PRKACA: variants seen among roughly 807,000 people sequenced by gnomAD.
PRKACA encodes the protein protein kinase cAMP-activated catalytic subunit alpha, also known as cAMP-dependent protein kinase catalytic subunit alpha.
PRKACA carries 9 observed loss-of-function variants against 45.8 expected under a neutral mutation model. The observed-to-expected ratio is 0.20, with a 90% CI of 0.12 to 0.34. PRKACA has a LOEUF of 0.34. Among genes scored for constraint, PRKACA ranks in the 10% least tolerant of loss-of-function variants. The probability of loss-of-function intolerance (pLI) is 1.00; values close to 1 mark genes in which losing one functional copy is unlikely to be tolerated. For synonymous variants in PRKACA, 160 were observed against 178.6 expected (o/e 0.90, Z 0.83); for missense variants, 238 against 458.6 (o/e 0.52, Z 4.39).
At chr19:14,105,890 A>G (rs1977589485) in intron 3 of PRKACA, among the ~76,000 whole-genome samples, 1 of 152,106 alleles carries the variant, frequency 6.6e-6, no homozygotes, top group Admixed American at 6.6e-5. Context: ...GTGCACATAA[A>G]CACCACTTCC....
At chr19:14,114,054 A>C in intron 1 of PRKACA, 1 of 1,494,830 alleles carries the variant, frequency 6.7e-7, no homozygotes, top group South Asian at 1.2e-5. Context: ...CCTGTGCCCC[A>C]GACCCCGCTG....
At chr19:14,095,529 CTTTTT>C (rs1186691714) in intron 8 of PRKACA, among the ~76,000 whole-genome samples, 1 of 148,166 alleles carries the variant, frequency 6.7e-6, no homozygotes, top group Non-Finnish European at 1.5e-5. Flanking sequence ...TCATCTTTCC[CTTTTT>C]TTGAGACAGA....
intron 1 of PRKACA, chr19:14,114,222 C>G (rs1967057547): frequency 1.3e-6 from 2 of 1,579,432 alleles, no homozygotes; most frequent in South Asian, 1.1e-5. Context: ...CCTGCCGTGT[C>G]TGTTCGGCTG....
chr19:14,109,663 C>T (rs1350577350), intron 1 of PRKACA, among the ~76,000 whole-genome samples: 1 of 150,070 alleles, frequency 6.7e-6, no homozygotes, highest in Non-Finnish European at 1.5e-5. Flanking sequence ...AGCGATCGGG[C>T]ATGGTGGCTC....
chr19:14,105,082 A>G (rs780188119), intron 3 of PRKACA, among the ~76,000 whole-genome samples: 4 of 152,214 alleles, frequency 2.6e-5, no homozygotes, highest in Non-Finnish European at 5.9e-5. Context: ...ACTTCAGTAC[A>G]GAAAAAAAGG....
rs1418710126 is a variant in PRKACA at position 14,117,554 on chromosome 19, G to C, written c.-7C>G. 1 of 1,191,676 alleles carries C rather than the reference G, an allele frequency of 8.4e-7. No homozygotes were observed. Among genetic ancestry groups the C allele is most frequent in the African/African-American group, 1.6e-5 (1 of 62,598 alleles). The allele number at this position is 1,191,676 out of a possible 1,614,324, so 73.8% of individuals were successfully genotyped here. A position where few individuals can be genotyped will look rare whatever the true frequency, so the allele number is the denominator to read the frequency against. On this transcript the variant is annotated 5_prime_UTR_variant, in exon 1 of 10. Coordinates refer to ENST00000308677, the MANE Select transcript of PRKACA (RefSeq NM_002730.4). Reference sequence around the variant, plus strand: ...CGGCGGCGGCGTTGCCCATCGCGGCGGCGGCGGCCGGGGCCGGTCCCGGAG... The same window carrying C: ...CGGCGGCGGCGTTGCCCATCGCGGCCGCGGCGGCCGGGGCCGGTCCCGGAG...
chr19:14,101,842 C>CA (rs1185004934), intron 4 of PRKACA, among the ~76,000 whole-genome samples: 1 of 150,328 alleles, frequency 6.7e-6, no homozygotes, highest in East Asian at 2.0e-4. Flanking sequence ...GCCTGGGCAA[C>CA]AACAGCCAAA....
At chr19:14,093,333 C>T (rs531409321) in intron 9 of PRKACA, 96 bp from the exon 10 acceptor site, 10 of 1,486,710 alleles carry the variant, frequency 6.7e-6, no homozygotes, top group South Asian at 3.7e-5. Context: ...GAGATATTTA[C>T]TCTGACTCAG....
At position 14,097,947 on chromosome 19, in the gene PRKACA, C is replaced by A; in HGVS notation, c.420-57G>T. On this transcript the variant is annotated intron_variant, in intron 5 of 9. Coordinates refer to ENST00000308677, the MANE Select transcript of PRKACA (RefSeq NM_002730.4). This position sits in a 1 kb window ranked among gnomAD's most constrained non-coding sequence, Gnocchi z 5.4. ...GTGGTCATGCCCCAAAATGGTCCAG[C>A]AGGTGGCCCTGCAGAGCCTACCCCA... The A allele has an allele frequency of 6.2e-7, 1 of 1,605,482 alleles. No homozygotes were observed. Among genetic ancestry groups the A allele is most frequent in the Admixed American group, 1.7e-5 (1 of 59,750 alleles).
chr19:14,098,191 C>A, intron 5 of PRKACA: 1 of 285,294 alleles, frequency 3.5e-6, no homozygotes, highest in Non-Finnish European at 6.7e-6. Flanking sequence ...TTATGTTAAG[C>A]AAAAGAAGAC....
intron 1 of PRKACA, among the ~76,000 whole-genome samples, chr19:14,116,135 A>G (rs1328379330): frequency 6.6e-6 from 1 of 152,122 alleles, no homozygotes; most frequent in Non-Finnish European, 1.5e-5. Context: ...TGAGACCAAA[A>G]ACTGGCCTTC....
chr19:14,095,075 TG>T (rs1977204768), intron 8 of PRKACA, among the ~76,000 whole-genome samples: 1 of 152,140 alleles, frequency 6.6e-6, no homozygotes, highest in Non-Finnish European at 1.5e-5. Context: ...AACTAGAAAA[TG>T]CTACAAAGAA....
At chr19:14,114,135 A>T in intron 1 of PRKACA, 1 of 1,611,364 alleles carries the variant, frequency 6.2e-7, no homozygotes, top group Non-Finnish European at 8.5e-7. Context: ...CAGCCTCACC[A>T]TCGCTGGAGT....
Position 14,097,188 on chromosome 19 carries a change from G to T in PRKACA, c.765+173C>A, listed in dbSNP as rs555455063. 49 of 973,458 alleles carry T rather than the reference G, an allele frequency of 5.0e-5. No individual in the cohort carries two copies. In the South Asian group the frequency reaches 6.6e-4, roughly 13 times the overall value. 60.3% of individuals were successfully genotyped at this position (973,458 alleles called of 1,614,324 possible). ...CGCGGGGTTGGGGCTGGACAGCAAGGGGGCTTGAGGTGTTGGCCTCAGTGT... is the reference window on the plus strand; with the variant it reads ...CGCGGGGTTGGGGCTGGACAGCAAGTGGGCTTGAGGTGTTGGCCTCAGTGT... On this transcript the variant is annotated intron_variant, in intron 8 of 9. Transcript: ENST00000308677. This position sits in a 1 kb window ranked among gnomAD's most constrained non-coding sequence, Gnocchi z 5.4.
chr19:14,113,171 A>G (rs1967018164), intron 1 of PRKACA, among the ~76,000 whole-genome samples: 1 of 151,920 alleles, frequency 6.6e-6, no homozygotes, highest in Non-Finnish European at 1.5e-5. Flanking sequence ...ACTCTCGGCC[A>G]TGAAAGTCCA....
intron 1 of PRKACA, among the ~76,000 whole-genome samples, chr19:14,108,989 A>G (rs1414438518): frequency 6.7e-6 from 1 of 149,900 alleles, no homozygotes; most frequent in African/African-American, 2.5e-5. Context: ...TGGCCTCCCA[A>G]AGTGCTGGGA....
Position 14,117,487 on chromosome 19 carries a change from A to G in PRKACA, c.46+15T>C, listed in dbSNP as rs1020670292. 5 of 1,255,446 alleles carry G rather than the reference A, an allele frequency of 4.0e-6. No homozygotes were observed. Among genetic ancestry groups the G allele is most frequent in the Non-Finnish European group, 5.0e-6 (5 of 995,270 alleles). The allele number at this position is 1,255,446 out of a possible 1,614,324, so 77.8% of individuals were successfully genotyped here. ...AGCGCAGGGCCAAGATCGGGGTCACAGCCCGGGCACTCACCGCTCTCCTGC... is the reference window on the plus strand; with the variant it reads ...AGCGCAGGGCCAAGATCGGGGTCACGGCCCGGGCACTCACCGCTCTCCTGC... On this transcript the variant is annotated intron_variant, in intron 1 of 9. Coordinates refer to ENST00000308677, the MANE Select transcript of PRKACA (RefSeq NM_002730.4).
chr19:14,103,443 C>A (rs1977503363), intron 3 of PRKACA, among the ~76,000 whole-genome samples: 1 of 152,140 alleles, frequency 6.6e-6, no homozygotes, highest in African/African-American at 2.4e-5. Flanking sequence ...TGAGCAGGCA[C>A]CTGGCACCCA....
At chr19:14,108,759 A>C (rs1340552356) in intron 1 of PRKACA, among the ~76,000 whole-genome samples, 1 of 119,146 alleles carries the variant, frequency 8.4e-6, no homozygotes, top group East Asian at 2.6e-4. Context: ...ATGGAGTCCC[A>C]CTTTGTTGCC....
Sources: gnomAD v4.1 joint callset for allele counts (sites outside exome capture counted in the v4.1 genomes callset) on GRCh38, gnomAD v4.1.1 for gene constraint, Gnocchi (gnomAD v3.1) non-coding constraint, MANE v1.5 for transcripts, NCBI Gene and HGNC (gene_info 2026-07-23, HGNC 2026-07-21) for gene names.